MYO5B: variants seen among roughly 807,000 people sequenced by gnomAD.
MYO5B encodes the protein unconventional myosin-Vb.
MYO5B carries 143 observed loss-of-function variants against 229.3 expected under a neutral mutation model. The observed-to-expected ratio is 0.62, with a 90% CI of 0.54 to 0.72. MYO5B has a LOEUF of 0.72. MYO5B is among the 30% of genes least tolerant of loss of function. The pLI, the probability that MYO5B is intolerant of heterozygous loss-of-function variation, is 0.00. For synonymous variants in MYO5B, 918 were observed against 885.2 expected (o/e 1.04, Z -0.66); for missense variants, 2,321 against 2,331.0 (o/e 1.00, Z 0.09).
intron 33 of MYO5B, among the ~76,000 whole-genome samples, chr18:49,845,897 T>TC (rs1187391794): frequency 6.6e-6 from 1 of 152,092 alleles, no homozygotes; most frequent in Non-Finnish European, 1.5e-5. Flanking sequence ...TCACACAGAC[T>TC]CCCTCCTGGC....
chr18:50,189,578 T>C (rs1377034595), intron 1 of MYO5B, among the ~76,000 whole-genome samples: 7 of 152,116 alleles, frequency 4.6e-5, no homozygotes, highest in Non-Finnish European at 1.0e-4. Flanking sequence ...GGGAGTGAGC[T>C]AACACCAAGG....
intron 39 of MYO5B, among the ~76,000 whole-genome samples, chr18:49,833,743 C>T (rs894174669): frequency 6.6e-6 from 1 of 152,164 alleles, no homozygotes; most frequent in Admixed American, 6.5e-5. Context: ...TATCAGCCCT[C>T]CATAAAAATC....
At chr18:50,117,066 T>C (rs1375900070) in intron 1 of MYO5B, among the ~76,000 whole-genome samples, 1 of 152,202 alleles carries the variant, frequency 6.6e-6, no homozygotes, top group Non-Finnish European at 1.5e-5. Flanking sequence ...TCTTTGATAA[T>C]AAGCAATCTC....
Position 49,991,691 on chromosome 18 carries a change from G to A in MYO5B, c.756+597C>T, listed in dbSNP as rs536589390. On this transcript the variant is annotated intron_variant, in intron 6 of 39. Coordinates refer to ENST00000285039, the MANE Select transcript of MYO5B (RefSeq NM_001080467.3). ...GCCTGTCAGTGGGTGGAAGGCTAGGGGAGGGATAGCATTAGGAGAAATACC... is the reference window on the plus strand; with the variant it reads ...GCCTGTCAGTGGGTGGAAGGCTAGGAGAGGGATAGCATTAGGAGAAATACC... Among the ~76,000 whole-genome samples, 15 of 152,304 alleles carry A rather than the reference G, an allele frequency of 9.8e-5. No individual in the cohort carries two copies. The South Asian group carries it at 3.1e-3, about 32-fold the overall frequency.
At chr18:50,026,054 T>C (rs947489902) in intron 4 of MYO5B, among the ~76,000 whole-genome samples, 1 of 152,238 alleles carries the variant, frequency 6.6e-6, no homozygotes, top group African/African-American at 2.4e-5. Context: ...TCACATACTC[T>C]AGTGAATCAT....
chr18:50,126,164 TACC>T (rs2032158939), intron 1 of MYO5B, among the ~76,000 whole-genome samples: 2 of 152,234 alleles, frequency 1.3e-5, no homozygotes, highest in South Asian at 2.1e-4. Flanking sequence ...ATGTGTATTT[TACC>T]ACAACTAAAA....
At chr18:49,971,262 C>T (rs940515805) in intron 10 of MYO5B, among the ~76,000 whole-genome samples, 2 of 152,018 alleles carry the variant, frequency 1.3e-5, no homozygotes, top group African/African-American at 2.4e-5. Context: ...GTAGAGAGGG[C>T]GAGAAGTGGG....
intron 10 of MYO5B, among the ~76,000 whole-genome samples, chr18:49,964,234 A>G (rs2025596333): frequency 6.6e-6 from 1 of 152,222 alleles, no homozygotes; most frequent in Admixed American, 6.5e-5. Flanking sequence ...CAGCCTCACA[A>G]TGTACGAAAG....
intron 1 of MYO5B, among the ~76,000 whole-genome samples, chr18:50,160,422 G>A (rs190603105): frequency 1.3e-3 from 195 of 152,328 alleles, no homozygotes; most frequent in African/African-American, 4.3e-3. Flanking sequence ...TGACTCGGGG[G>A]TTCTGTGGAC....
At chr18:50,038,514 G>C (rs1429611574) in intron 3 of MYO5B, among the ~76,000 whole-genome samples, 1 of 152,182 alleles carries the variant, frequency 6.6e-6, no homozygotes, top group Non-Finnish European at 1.5e-5. Flanking sequence ...ATCCTCTTAG[G>C]AACAGCCTCA....
chr18:50,063,858 A>T (rs2030752151), intron 1 of MYO5B: 1 of 152,442 alleles, frequency 6.6e-6, no homozygotes, highest in East Asian at 1.9e-4. Flanking sequence ...TCGAGTCTCC[A>T]TGTGGCTGAT....
chr18:50,035,499 C>T (rs115427667), intron 4 of MYO5B, among the ~76,000 whole-genome samples: 1,554 of 152,258 alleles, frequency 0.01, 27 homozygotes, highest in African/African-American at 0.036. Context: ...CCGTTCAGTC[C>T]CAAGGCCTCC....
intron 9 of MYO5B, among the ~76,000 whole-genome samples, chr18:49,976,820 GA>G (rs1568055681): frequency 5.3e-5 from 8 of 152,208 alleles, no homozygotes; most frequent in African/African-American, 1.9e-4. Flanking sequence ...CCTGCTCCCC[GA>G]CTCCCCTAAA....
intron 4 of MYO5B, among the ~76,000 whole-genome samples, chr18:50,026,891 A>C (rs1302000265): frequency 6.6e-6 from 1 of 152,204 alleles, no homozygotes; most frequent in Non-Finnish European, 1.5e-5. Flanking sequence ...TGAACTTGAG[A>C]AACTTGCTCA....
At chr18:50,145,497 C>CAAAAAAAAAAAAAA (rs369507800) in intron 1 of MYO5B, among the ~76,000 whole-genome samples, 10 of 70,008 alleles carry the variant, frequency 1.4e-4, no homozygotes, top group African/African-American at 5.2e-4. Context: ...GACTCCATCT[C>CAAAAAAAAAAAAAA]AAAAAAAAAA....
At chr18:49,993,081 AT>A (rs1362071236) in intron 5 of MYO5B, among the ~76,000 whole-genome samples, 2 of 152,074 alleles carry the variant, frequency 1.3e-5, no homozygotes, top group Non-Finnish European at 2.9e-5. Flanking sequence ...CTAGACGATA[AT>A]TTTTAAAATG....
intron 1 of MYO5B, among the ~76,000 whole-genome samples, chr18:50,123,694 C>G (rs1359067730): frequency 6.6e-6 from 1 of 152,120 alleles, no homozygotes; most frequent in East Asian, 1.9e-4. Flanking sequence ...GGTGACAGGG[C>G]AAGACCCTGT....
chr18:49,842,258 G>A (rs995857080), intron 34 of MYO5B, among the ~76,000 whole-genome samples: 5 of 152,202 alleles, frequency 3.3e-5, no homozygotes, highest in African/African-American at 1.2e-4. Flanking sequence ...TGGTGCTCAC[G>A]AAAGAGGATC....
intron 17 of MYO5B, among the ~76,000 whole-genome samples, chr18:49,913,903 G>T (rs1391377818): frequency 6.6e-6 from 1 of 152,110 alleles, no homozygotes; most frequent in Non-Finnish European, 1.5e-5. Context: ...TCACCTGGGG[G>T]TGGTGGGAGA....
Sources: allele counts gnomAD v4.1 joint callset (sites outside exome capture counted in the v4.1 genomes callset), GRCh38; gene constraint gnomAD v4.1.1; transcripts MANE v1.5; gene names NCBI Gene and HGNC (gene_info 2026-07-23, HGNC 2026-07-21).